The following PTPRT variants were observed in gnomAD, a reference collection of about 807,000 sequenced individuals.
PTPRT encodes the protein receptor-type tyrosine-protein phosphatase T.
Under a neutral mutation model 176.8 loss-of-function variants are expected in PTPRT, and 56 were observed. That is an observed-to-expected ratio of 0.32 (90% confidence interval 0.26 to 0.40). PTPRT has a LOEUF of 0.40. Ranked by LOEUF, PTPRT falls within the 10% of genes least tolerant of loss-of-function variation. The pLI is 1.00. For synonymous variants in PTPRT, 783 were observed against 739.0 expected (o/e 1.06, Z -0.96); for missense variants, 1,540 against 1,908.2 (o/e 0.81, Z 3.60).
chr20:42,912,850 A>C (rs528630050), intron 1 of PTPRT, among the ~76,000 whole-genome samples: 2 of 152,184 alleles, frequency 1.3e-5, no homozygotes, highest in Non-Finnish European at 2.9e-5. Flanking sequence ...TGAGCTTTCT[A>C]TTCTGTTCCA....
Position 42,237,390 on chromosome 20 carries a change from TG to T in PTPRT, c.2313-1133del, listed in dbSNP as rs113162860. Among the ~76,000 whole-genome samples, 19 of 152,322 alleles carry T rather than the reference TG, an allele frequency of 1.2e-4. 1 individual carries two copies. The highest frequency in any genetic ancestry group is 4.6e-4 in the African/African-American group (19 of 41,578). The stretch of plus-strand genomic sequence containing the variant: ...CTCTCTGTTCCTTCATTTCTGCATC[TG>T]TCCCTTAGGTCCATTAAACTAGATC... On this transcript the variant is annotated intron_variant, in intron 14 of 30. Coordinates refer to ENST00000373187, the MANE Select transcript of PTPRT (RefSeq NM_007050.6).
At chr20:42,710,020 T>C (rs1316762471) in intron 6 of PTPRT, among the ~76,000 whole-genome samples, 1 of 152,194 alleles carries the variant, frequency 6.6e-6, no homozygotes, top group Non-Finnish European at 1.5e-5. Context: ...AGCAGCAAAG[T>C]GTTCAAGATA....
intron 7 of PTPRT, among the ~76,000 whole-genome samples, chr20:42,497,707 T>C (rs2071680102): frequency 6.6e-6 from 1 of 152,168 alleles, no homozygotes; most frequent in Admixed American, 6.5e-5. Flanking sequence ...ATATAATAAT[T>C]GCCTTTTACT....
At chr20:42,493,167 A>G (rs964559846) in intron 7 of PTPRT, among the ~76,000 whole-genome samples, 2 of 152,178 alleles carry the variant, frequency 1.3e-5, no homozygotes, top group Non-Finnish European at 2.9e-5. Context: ...TCTTACACTT[A>G]CAAGTCACAA....
chr20:42,157,116 G>A (rs558982674), intron 17 of PTPRT, among the ~76,000 whole-genome samples: 2 of 152,118 alleles, frequency 1.3e-5, no homozygotes, highest in African/African-American at 4.8e-5. Context: ...GCAACTGCTT[G>A]TACATGCCAG....
intron 1 of PTPRT, among the ~76,000 whole-genome samples, chr20:42,972,969 A>G (rs1051843297): frequency 6.6e-6 from 1 of 152,088 alleles, no homozygotes; most frequent in African/African-American, 2.4e-5. Flanking sequence ...TTTCATTTAA[A>G]TATTCACATG....
At chr20:43,113,588 T>C (rs1292489224) in intron 1 of PTPRT, among the ~76,000 whole-genome samples, 1 of 152,134 alleles carries the variant, frequency 6.6e-6, no homozygotes. Flanking sequence ...CACCCTTCTG[T>C]CTTTGAAAAA....
chr20:42,889,600 C>G (rs1354438797), intron 1 of PTPRT, among the ~76,000 whole-genome samples: 4 of 152,150 alleles, frequency 2.6e-5, no homozygotes, highest in African/African-American at 9.7e-5. Context: ...GAAATGGGCT[C>G]CTGTTCTGCA....
intron 8 of PTPRT, among the ~76,000 whole-genome samples, chr20:42,467,648 T>C (rs2071122191): frequency 6.6e-6 from 1 of 152,232 alleles, no homozygotes; most frequent in Non-Finnish European, 1.5e-5. Flanking sequence ...TCATGATTTC[T>C]GCACTTTACT....
intron 6 of PTPRT, among the ~76,000 whole-genome samples, chr20:42,689,535 C>T (rs1308356337): frequency 6.6e-6 from 1 of 152,180 alleles, no homozygotes; most frequent in African/African-American, 2.4e-5. Flanking sequence ...TCACATCCTG[C>T]AAGGGAGATA....
rs1983093625 is a variant in PTPRT at position 42,079,391 on chromosome 20, A to G, written c.*1488T>C. 4.7e-6 allele frequency: 1 copy of G among 213,988 alleles called. No homozygotes were observed. The highest frequency in any genetic ancestry group is 9.5e-6 in the Non-Finnish European group (1 of 105,804). The allele number at this position is 213,988 out of a possible 1,614,324, so 13.3% of individuals were successfully genotyped here. On this transcript the variant is annotated 3_prime_UTR_variant, in exon 31 of 31. Transcript: ENST00000373187. Reference sequence around the variant, plus strand: ...AACAGCACGGAGAAGTCTCATTGCCATTACCTGCCCCTTTGGAACCCAGGA... The same window carrying G: ...AACAGCACGGAGAAGTCTCATTGCCGTTACCTGCCCCTTTGGAACCCAGGA...
intron 8 of PTPRT, among the ~76,000 whole-genome samples, chr20:42,468,685 G>C (rs1227074319): frequency 6.6e-6 from 1 of 152,174 alleles, no homozygotes; most frequent in Non-Finnish European, 1.5e-5. Context: ...GCTGGACTTG[G>C]GGTTTGCTGA....
At chr20:42,416,931 CT>C (rs929035541) in intron 9 of PTPRT, among the ~76,000 whole-genome samples, 1 of 152,150 alleles carries the variant, frequency 6.6e-6, no homozygotes, top group African/African-American at 2.4e-5. Context: ...ATATGTTGGG[CT>C]GTGGGACTGT....
chr20:42,400,741 C>T lies in PTPRT; in HGVS notation c.1560+47479G>A, dbSNP rs58272310. On this transcript the variant is annotated intron_variant, in intron 9 of 30. Coordinates refer to ENST00000373187, the MANE Select transcript of PTPRT (RefSeq NM_007050.6). ...GAAAGGAAAGGTCTTGTTGGTCACA[C>T]TAAGTCCTCAGGCTTTAGAGAATGG... 3.5e-3 allele frequency among the ~76,000 whole-genome samples: 532 copies of T among 152,262 alleles called. 4 individuals are homozygous for T. Among genetic ancestry groups the T allele is most frequent in the African/African-American group, 0.012 (506 of 41,566 alleles).
chr20:42,315,614 C>T, intron 12 of PTPRT, 109 bp downstream of exon 12: 1 of 1,314,816 alleles, frequency 7.6e-7, no homozygotes, highest in Non-Finnish European at 1.0e-6. Context: ...AGGATTTGCC[C>T]CACGGGCCTT....
chr20:42,647,928 G>C (rs1031442165), intron 7 of PTPRT, among the ~76,000 whole-genome samples: 1 of 152,158 alleles, frequency 6.6e-6, no homozygotes, highest in African/African-American at 2.4e-5. Context: ...AAAGTCAGGA[G>C]TTTCTTCTCT....
chr20:42,479,482 A>C (rs1429738370), intron 7 of PTPRT, among the ~76,000 whole-genome samples: 7 of 152,220 alleles, frequency 4.6e-5, no homozygotes, highest in Non-Finnish European at 7.3e-5. Context: ...ATTAATTTGC[A>C]CTTTCTGCAT....
intron 15 of PTPRT, among the ~76,000 whole-genome samples, chr20:42,200,756 A>G (rs1440213180): frequency 6.6e-6 from 1 of 152,220 alleles, no homozygotes; most frequent in African/African-American, 2.4e-5. Flanking sequence ...TAGTCTTATC[A>G]CATGAAAGGC....
At chr20:42,973,103 G>A (rs903779213) in intron 1 of PTPRT, among the ~76,000 whole-genome samples, 10 of 151,526 alleles carry the variant, frequency 6.6e-5, no homozygotes, top group Non-Finnish European at 1.3e-4. Flanking sequence ...AGTGGTCCAG[G>A]GGAGAGATGG....
Sources: allele counts gnomAD v4.1 joint callset (sites outside exome capture counted in the v4.1 genomes callset), GRCh38; gene constraint gnomAD v4.1.1; transcripts MANE v1.5; gene names NCBI Gene and HGNC (gene_info 2026-07-23, HGNC 2026-07-21).